The following RSBN1 variants were observed in gnomAD, a reference collection of about 807,000 sequenced individuals.
RSBN1 encodes the protein round spermatid basic protein 1, also known as lysine-specific demethylase 9.
A neutral mutation model predicts 74.8 loss-of-function variants in RSBN1; 23 were observed. That is an observed-to-expected ratio of 0.31 (90% confidence interval 0.22 to 0.44). The LOEUF (loss-of-function observed/expected upper bound fraction) is 0.44, where lower values mean the gene tolerates loss of function less well. Among genes scored for constraint, RSBN1 ranks in the 20% least tolerant of loss-of-function variants. The probability of loss-of-function intolerance (pLI) is 1.00; values close to 1 mark genes in which losing one functional copy is unlikely to be tolerated. For synonymous variants in RSBN1, 407 were observed against 379.6 expected, an observed-to-expected ratio of 1.07 and a Z score of -0.84; for missense variants, 808 against 1,020.9, an observed-to-expected ratio of 0.79 and a Z score of 2.84.
intron 4 of RSBN1, among the ~76,000 whole-genome samples, chr1:113,773,740 C>T (rs1659925252): frequency 6.6e-6 from 1 of 152,186 alleles, no homozygotes; most frequent in Admixed American, 6.5e-5. Flanking sequence ...TGCAGTGGCT[C>T]ACGCCTGTAA....
chr1:113,805,463 C>CAGCATTTAAATATCTTATAGTTACACTAT (rs1660682734), intron 1 of RSBN1, among the ~76,000 whole-genome samples: 1 of 152,124 alleles, frequency 6.6e-6, no homozygotes, highest in Non-Finnish European at 1.5e-5. Context: ...TAGTTACACT[C>CAGCATTTAAATATCTTATAGTTACACTAT]AAGCTTATTC....
chr1:113,791,518 C>T (rs1329702545), intron 2 of RSBN1, among the ~76,000 whole-genome samples: 4 of 152,056 alleles, frequency 2.6e-5, no homozygotes, highest in African/African-American at 9.7e-5. Flanking sequence ...GGGTTGAGAG[C>T]GGGTGTGGAT....
intron 2 of RSBN1, among the ~76,000 whole-genome samples, chr1:113,784,602 C>G (rs1452689699): frequency 2.0e-5 from 3 of 152,168 alleles, no homozygotes; most frequent in African/African-American, 7.2e-5. Flanking sequence ...CCCTCGCATG[C>G]ACAATTCACA....
Position 113,767,202 on chromosome 1 carries a change from T to C in RSBN1, c.1832A>G (p.Asp611Gly). Residue 611 changes from aspartate to glycine, a missense_variant, in exon 6 of 7, where the codon GAC (aspartate) becomes GGC (glycine). Asp to Gly is a moderately conservative substitution (Grantham distance 94). Transcript: ENST00000261441. ...CACATCTTTGGTTATGCGAGGTTGGTCACTCCTAAGATTAACAAAATTAAG... is the reference window on the plus strand; with the variant it reads ...CACATCTTTGGTTATGCGAGGTTGGCCACTCCTAAGATTAACAAAATTAAG... ...LKAVQFGEWS[D>G]QPRITKDVIC... 3.1e-6 allele frequency: 5 copies of C among 1,601,192 alleles called. No individual in the cohort carries two copies.
intron 1 of RSBN1, among the ~76,000 whole-genome samples, chr1:113,798,398 T>C (rs970336580): frequency 6.6e-6 from 1 of 152,136 alleles, no homozygotes; most frequent in African/African-American, 2.4e-5. Context: ...TGTAACAACA[T>C]AGATTCTTTT....
Position 113,768,414 on chromosome 1 carries a change from A to C in RSBN1, c.1659-25T>G, listed in dbSNP as rs758906260. 23 of 1,557,696 alleles carry C rather than the reference A, an allele frequency of 1.5e-5. 1 individual carries two copies. In the Admixed American group the frequency reaches 4.4e-4, roughly 30 times the overall value. ...TCTAGAGTTGATTTGGTTGTTAAAC[A>C]AAGGGTAAGCAAGGAAGAAAGAGAC... is the stretch of plus-strand genomic sequence containing the variant. On this transcript the variant is annotated intron_variant, in intron 4 of 6. Transcript: ENST00000261441.
rs1659710733 is a variant in RSBN1 at position 113,763,027 on chromosome 1, A to AG, written c.*2952dup. The AG allele has an allele frequency of 6.5e-6, 1 of 152,778 alleles. No homozygotes were observed. The highest frequency in any genetic ancestry group is 6.5e-5 in the Admixed American group (1 of 15,276). 9.5% of individuals were successfully genotyped at this position (152,778 alleles called of 1,614,324 possible). Reference sequence around the variant, plus strand: ...CAATTAAACCTAGGAACCAATTTTTAGAGTTAAAACTTTGGAGGAGAGAAC... The same window carrying AG: ...CAATTAAACCTAGGAACCAATTTTTAGGAGTTAAAACTTTGGAGGAGAGAAC... On this transcript the variant is annotated 3_prime_UTR_variant, in exon 7 of 7. Transcript: ENST00000261441.
At chr1:113,780,537 A>G (rs996354258) in intron 2 of RSBN1, among the ~76,000 whole-genome samples, 2 of 152,256 alleles carry the variant, frequency 1.3e-5, no homozygotes, top group African/African-American at 2.4e-5. Context: ...GTAAACCTAA[A>G]AAAGAGGAAG....
intron 4 of RSBN1, among the ~76,000 whole-genome samples, chr1:113,775,149 C>G (rs554179694): frequency 2.0e-5 from 3 of 151,824 alleles, no homozygotes; most frequent in Admixed American, 2.0e-4. Flanking sequence ...CTCAGCCTCC[C>G]GAGTAGCTGG....
rs1659695336 is a variant in RSBN1 at position 113,762,406 on chromosome 1, A to C, written c.*3574T>G. ...ACAAGGATAGGTCCCTTACGTGCTA[A>C]AGAAAAACATTTGTACTGTGCATTT... is the stretch of plus-strand genomic sequence containing the variant. On this transcript the variant is annotated 3_prime_UTR_variant, in exon 7 of 7. Coordinates refer to ENST00000261441, the MANE Select transcript of RSBN1 (RefSeq NM_018364.5). 1 of 152,532 alleles carries C rather than the reference A, an allele frequency of 6.6e-6. No individual in the cohort carries two copies. Among genetic ancestry groups the C allele is most frequent in the South Asian group, 2.1e-4 (1 of 4,836 alleles). 9.4% of individuals were successfully genotyped at this position (152,532 alleles called of 1,614,324 possible).
At chr1:113,777,605 T>C (rs1157935384) in intron 3 of RSBN1, 66 bp downstream of exon 3, 1 of 1,443,996 alleles carries the variant, frequency 6.9e-7, no homozygotes, top group East Asian at 2.3e-5. Context: ...AGCTAAATAC[T>C]CTTCAACATA....
At chr1:113,780,327 A>C (rs1571299439) in intron 2 of RSBN1, among the ~76,000 whole-genome samples, 1 of 152,360 alleles carries the variant, frequency 6.6e-6, no homozygotes, top group East Asian at 1.9e-4. Flanking sequence ...AGGAATTCAT[A>C]CTACTTTAAA....
intron 1 of RSBN1, among the ~76,000 whole-genome samples, chr1:113,802,965 G>A (rs1161152295): frequency 6.6e-6 from 1 of 152,156 alleles, no homozygotes; most frequent in Non-Finnish European, 1.5e-5. Context: ...ATAAAGAGTA[G>A]TTTCACTGTC....
At chr1:113,811,213 C>A (rs1334133849) in intron 1 of RSBN1, among the ~76,000 whole-genome samples, 2 of 152,200 alleles carry the variant, frequency 1.3e-5, no homozygotes, top group Non-Finnish European at 2.9e-5. Flanking sequence ...TAAACTGCGT[C>A]TGATATTTTA....
rs1373678404 is a variant in RSBN1 at position 113,765,341 on chromosome 1, T to G, written c.*639A>C. 1 of 152,248 alleles carries G rather than the reference T, an allele frequency of 6.6e-6. No individual in the cohort carries two copies. Among genetic ancestry groups the G allele is most frequent in the African/African-American group, 2.4e-5 (1 of 41,420 alleles). The allele number at this position is 152,248 out of a possible 1,614,324, so 9.4% of individuals were successfully genotyped here. ...TTCATCTTTAGATTTTTTTTTTAAT[T>G]GAAATATCCACTGGGCTTTAAATAA... On this transcript the variant is annotated 3_prime_UTR_variant, in exon 7 of 7. Transcript: ENST00000261441.
rs182299347 is a variant in RSBN1, at chr1:113,796,612, A to C, written c.1377+751T>G. 6.6e-5 allele frequency among the ~76,000 whole-genome samples: 10 copies of C among 152,326 alleles called. 1 individual carries two copies. Among genetic ancestry groups the C allele is most frequent in the Admixed American group, 5.2e-4 (8 of 15,300 alleles). ...AAAGTGAAAGTCTCCACTAAAGTTG[A>C]ATTTATAATATATACTGCAGAAACT... On this transcript the variant is annotated intron_variant, in intron 2 of 6. Transcript: ENST00000261441.
chr1:113,808,476 T>C (rs1660762036), intron 1 of RSBN1, among the ~76,000 whole-genome samples: 1 of 152,164 alleles, frequency 6.6e-6, no homozygotes, highest in Admixed American at 6.5e-5. Flanking sequence ...GCTAATTGTA[T>C]TTACCATACG....
At chr1:113,810,710 A>C (rs1660819154) in intron 1 of RSBN1, among the ~76,000 whole-genome samples, 1 of 152,224 alleles carries the variant, frequency 6.6e-6, no homozygotes, top group Admixed American at 6.5e-5. Flanking sequence ...TGTCTCATTA[A>C]CATGTAATAA....
intron 2 of RSBN1, 32 bp from the exon 3 acceptor site, chr1:113,777,840 T>G (rs774990633): frequency 1.3e-6 from 2 of 1,530,334 alleles, no homozygotes; most frequent in Non-Finnish European, 1.8e-6. Context: ...AAAAATGGAC[T>G]GAGGTACAAC....
Sources: gnomAD v4.1 joint callset for allele counts (sites outside exome capture counted in the v4.1 genomes callset) on GRCh38, gnomAD v4.1.1 for gene constraint, MANE v1.5 for transcripts, NCBI Gene and HGNC (gene_info 2026-07-23, HGNC 2026-07-21) for gene names.